The following TMEM268 variants were observed in gnomAD, a reference collection of about 807,000 sequenced individuals.
TMEM268 encodes transmembrane protein C9orf91.
A neutral mutation model predicts 39.1 loss-of-function variants in TMEM268; 24 were observed. The observed-to-expected ratio is 0.61, with a 90% CI of 0.44 to 0.86. The LOEUF is 0.86. TMEM268 is among the 40% of genes least tolerant of loss of function. TMEM268 has a pLI of 0.00. For synonymous variants in TMEM268, 176 were observed against 173.5 expected (o/e 1.01, Z -0.12); for missense variants, 409 against 428.6 (o/e 0.95, Z 0.40).
At position 114,643,215 on chromosome 9, in the gene TMEM268, G is replaced by A; in HGVS notation, c.931G>A (p.Gly311Arg). 2 of 1,614,196 alleles carry A rather than the reference G, an allele frequency of 1.2e-6. No homozygotes were observed. Among genetic ancestry groups the A allele is most frequent in the Non-Finnish European group, 1.7e-6 (2 of 1,180,020 alleles). Residue 311 changes from glycine to arginine, a missense_variant, in exon 9 of 9, where the codon GGG becomes AGG. Gly to Arg is a moderately radical substitution (Grantham distance 125). Coordinates refer to ENST00000288502, the MANE Select transcript of TMEM268 (RefSeq NM_153045.4). ...GACCTCCCAGCTCCCTCAGGCAATG[G>A]GGACACGACACACGAACTCTCCGAG... ...LVTSQLPQAM[G>R]TRHTNSPRIP...
rs534144725 is a variant in TMEM268, at chr9:114,612,931, A to T, written c.-79+1367A>T. 3.9e-5 allele frequency among the ~76,000 whole-genome samples: 6 copies of T among 152,350 alleles called. No homozygotes were observed. In the South Asian group the frequency reaches 1.2e-3, roughly 32 times the overall value. On this transcript the variant is annotated intron_variant, in intron 1 of 8. Transcript: ENST00000288502. ...CAGGGCCTGGCCTGAGAAGGTGCTT[A>T]GGAAATGTCTGTGGAGTAAAAATGA...
chr9:114,624,140 C>T, intron 2 of TMEM268: 1 of 1,059,540 alleles, frequency 9.4e-7, no homozygotes. Context: ...TCCTAGGAGC[C>T]TCCTCCCTCT....
intron 4 of TMEM268, 35 bp from the exon 5 acceptor site, chr9:114,628,066 G>A (rs1589344928): frequency 1.2e-6 from 2 of 1,608,592 alleles, no homozygotes; most frequent in Non-Finnish European, 1.7e-6. Context: ...AAGGACTGAA[G>A]TTCCTGACCA....
Position 114,643,478 on chromosome 9 carries a change from C to G in TMEM268, c.*165C>G, listed in dbSNP as rs999674610. 4 of 621,826 alleles carry G rather than the reference C, an allele frequency of 6.4e-6. No individual in the cohort carries two copies. Among genetic ancestry groups the G allele is most frequent in the Non-Finnish European group, 8.4e-6 (3 of 357,202 alleles). 38.5% of individuals were successfully genotyped at this position (621,826 alleles called of 1,614,324 possible). A position where few individuals can be genotyped will look rare whatever the true frequency, so the allele number is the denominator to read the frequency against. On this transcript the variant is annotated 3_prime_UTR_variant, in exon 9 of 9. Coordinates refer to ENST00000288502, the MANE Select transcript of TMEM268 (RefSeq NM_153045.4). ...CTGGGGTGTTGTGCTCACTTCAGGG[C>G]CCAGCACAAAAATCCTTGTTTGACA...
chr9:114,640,067 A>G (rs146441611), intron 8 of TMEM268, among the ~76,000 whole-genome samples: 2,811 of 151,062 alleles, frequency 0.019, 105 homozygotes, highest in South Asian at 0.078. Context: ...AAAAAAAAAA[A>G]AGAGAGAAAT....
At chr9:114,637,494 A>C (rs1293539432) in intron 7 of TMEM268, among the ~76,000 whole-genome samples, 1 of 151,960 alleles carries the variant, frequency 6.6e-6, no homozygotes, top group Admixed American at 6.6e-5. Flanking sequence ...GGGTTTCACC[A>C]TGTTGGCCAG....
chr9:114,610,010 A>T (rs987063656), upstream of TMEM268, among the ~76,000 whole-genome samples: 1 of 152,032 alleles, frequency 6.6e-6, no homozygotes, highest in Non-Finnish European at 1.5e-5. Flanking sequence ...CCTTTCTATT[A>T]GGTTGGTGCA....
In TMEM268 at chr9:114,626,770, C is replaced by T. The variant is rs115599938; in HGVS notation, c.217-129C>T. Reference sequence around the variant, plus strand: ...TGCACCATGTGACTTCCACCCAGTGCTCCAAGCTCCTCATTCTGCCTTTGG... The same window carrying T: ...TGCACCATGTGACTTCCACCCAGTGTTCCAAGCTCCTCATTCTGCCTTTGG... On this transcript the variant is annotated intron_variant, in intron 3 of 8. Transcript: ENST00000288502. 2,390 of 620,216 alleles carry T rather than the reference C, an allele frequency of 3.9e-3. 49 individuals carry two copies. Among genetic ancestry groups the T allele is most frequent in the African/African-American group, 0.038 (2,117 of 55,638 alleles). The allele number at this position is 620,216 out of a possible 1,614,324, so 38.4% of individuals were successfully genotyped here.
chr9:114,617,898 A>C (rs1845797986), intron 2 of TMEM268, among the ~76,000 whole-genome samples: 1 of 146,694 alleles, frequency 6.8e-6, no homozygotes. Context: ...ATTTTTTGAG[A>C]TGGAGTCCCA....
In TMEM268 at chr9:114,623,094, AAACAAC is replaced by A. The variant is rs200137316; in HGVS notation, c.107-1232_107-1227del. ...GACAGAGAGAGACTCTGTCTCCAAA[AAACAAC>A]AACAACAACAACAACAACAACAAGC... On this transcript the variant is annotated intron_variant, in intron 2 of 8. Coordinates refer to ENST00000288502, the MANE Select transcript of TMEM268 (RefSeq NM_153045.4). 3.0e-3 allele frequency among the ~76,000 whole-genome samples: 457 copies of A among 151,752 alleles called. 3 individuals are homozygous for A. The highest frequency in any genetic ancestry group is 0.01 in the African/African-American group (420 of 41,348).
At chr9:114,625,206 G>A (rs952794188) in intron 3 of TMEM268, among the ~76,000 whole-genome samples, 1 of 152,104 alleles carries the variant, frequency 6.6e-6, no homozygotes, top group East Asian at 1.9e-4. Flanking sequence ...AAGATTAAAT[G>A]CAATAATGCT....
rs1180333738 is a variant in TMEM268, at chr9:114,637,057, A to G, written c.653A>G (p.Lys218Arg). The G allele has an allele frequency of 1.9e-6, 3 of 1,608,604 alleles. No homozygotes were observed. Among genetic ancestry groups the G allele is most frequent in the Non-Finnish European group, 2.6e-6 (3 of 1,175,050 alleles). The change falls in exon 7 of 9, where the codon AAG (lysine) becomes AGG (arginine). Residue 218 changes from lysine (K) to arginine (R), a missense_variant. Lys to Arg is a conservative substitution (Grantham distance 26, BLOSUM62 2). Coordinates refer to ENST00000288502, the MANE Select transcript of TMEM268 (RefSeq NM_153045.4). ...QFLSDHVQEM[K>R]TSQESLLRSR... ...TTGTCTGATCATGTTCAAGAAATGA[A>G]GACTAGCCAAGAGGTAAGATATCTT... is the stretch of plus-strand genomic sequence containing the variant.
chr9:114,644,902 T>G lies in TMEM268; in HGVS notation c.*1589T>G, dbSNP rs1310429262. On this transcript the variant is annotated 3_prime_UTR_variant, in exon 9 of 9. Transcript: ENST00000288502. ...ACCCCCGCCACCTAGGTTCAAGTGATTCTCATGCCTCAGCCTCCCAAGTAG... is the reference window on the plus strand; with the variant it reads ...ACCCCCGCCACCTAGGTTCAAGTGAGTCTCATGCCTCAGCCTCCCAAGTAG... 1 of 152,204 alleles carries G rather than the reference T, an allele frequency of 6.6e-6. No homozygotes were observed. Among genetic ancestry groups the G allele is most frequent in the Non-Finnish European group, 1.5e-5 (1 of 68,144 alleles). The allele number at this position is 152,204 out of a possible 1,614,324, so 9.4% of individuals were successfully genotyped here. A position where few individuals can be genotyped will look rare whatever the true frequency, so the allele number is the denominator to read the frequency against.
intron 2 of TMEM268, among the ~76,000 whole-genome samples, chr9:114,617,783 G>A (rs973829384): frequency 6.6e-6 from 1 of 152,142 alleles, no homozygotes; most frequent in African/African-American, 2.4e-5. Context: ...TGTTGCCCAG[G>A]CTGGTCTCAG....
rs41278669 is a variant in TMEM268, at chr9:114,636,983, C to T, written c.586-7C>T. 0.11 allele frequency: 169,314 copies of T among 1,607,508 alleles called. 10,126 individuals are homozygous for T. Among genetic ancestry groups the T allele is most frequent in the South Asian group, 0.15 (13,934 of 90,674 alleles). ...GCCACGGTGGTCACTGCTGCTTCTC[C>T]CCACAGCTTTGGTTTGTCTACTTCG... is the stretch of plus-strand genomic sequence containing the variant. On this transcript the variant is annotated splice_polypyrimidine_tract_variant and splice_region_variant and intron_variant, in intron 6 of 8. Transcript: ENST00000288502.
chr9:114,608,151 C>T (rs975637367), upstream of TMEM268, among the ~76,000 whole-genome samples: 5 of 152,214 alleles, frequency 3.3e-5, no homozygotes, highest in Non-Finnish European at 7.3e-5. Context: ...CCCACTCCTC[C>T]TTGCTATGCC....
intron 5 of TMEM268, 117 bp downstream of exon 5, chr9:114,628,367 T>A: frequency 8.7e-7 from 1 of 1,148,026 alleles, no homozygotes; most frequent in Non-Finnish European, 1.3e-6. Flanking sequence ...AAATTCACAC[T>A]AGCCCGTAAG....
At chr9:114,627,538 T>G (rs1220222745) in intron 4 of TMEM268, among the ~76,000 whole-genome samples, 3 of 152,128 alleles carry the variant, frequency 2.0e-5, no homozygotes, top group Non-Finnish European at 4.4e-5. Context: ...GGAACCACTG[T>G]GATTTGCTGC....
chr9:114,620,458 G>A (rs982600015), intron 2 of TMEM268, among the ~76,000 whole-genome samples: 1 of 151,886 alleles, frequency 6.6e-6, no homozygotes, highest in African/African-American at 2.4e-5. Flanking sequence ...CATGTTGCCC[G>A]GGTTGATCTC....
Sources: gnomAD v4.1 joint callset for allele counts (sites outside exome capture counted in the v4.1 genomes callset) on GRCh38, gnomAD v4.1.1 for gene constraint, MANE v1.5 for transcripts, NCBI Gene and HGNC (gene_info 2026-07-23, HGNC 2026-07-21) for gene names.